ROR1: variants seen among roughly 807,000 people sequenced by gnomAD.
ROR1 encodes the protein ROR family WNT receptor 1, also known as inactive tyrosine-protein kinase transmembrane receptor ROR1.
A neutral mutation model predicts 78.8 loss-of-function variants in ROR1; 19 were observed. The ratio of observed to expected loss-of-function variants is 0.24; its 90% confidence interval spans 0.17 to 0.35. ROR1 has a LOEUF of 0.35. Ranked by LOEUF, ROR1 falls within the 10% of genes least tolerant of loss-of-function variation. The pLI is 1.00. For missense variants in ROR1, 917 were observed against 1,177.8 expected, an observed-to-expected ratio of 0.78 and a Z score of 3.24; for synonymous variants, 386 against 433.6, an observed-to-expected ratio of 0.89 and a Z score of 1.36.
intron 1 of ROR1, among the ~76,000 whole-genome samples, chr1:63,780,289 C>T (rs576888054): frequency 4.0e-5 from 6 of 151,570 alleles, no homozygotes; most frequent in Admixed American, 2.0e-4. Context: ...AAAGAGGTGG[C>T]GTGGAGTAAT....
intron 1 of ROR1, among the ~76,000 whole-genome samples, chr1:63,842,106 A>C (rs1247118133): frequency 6.6e-6 from 1 of 152,196 alleles, no homozygotes; most frequent in Non-Finnish European, 1.5e-5. Context: ...ACAAACAAAC[A>C]AACAAAAAAA....
At chr1:63,977,784 C>G (rs1204518271) in intron 1 of ROR1, among the ~76,000 whole-genome samples, 1 of 152,180 alleles carries the variant, frequency 6.6e-6, no homozygotes, top group Admixed American at 6.5e-5. Flanking sequence ...GCCAGAGAGA[C>G]ACAATTTGAC....
chr1:63,827,108 C>A (rs1201848882), intron 1 of ROR1, among the ~76,000 whole-genome samples: 2 of 152,080 alleles, frequency 1.3e-5, no homozygotes, highest in African/African-American at 4.8e-5. Flanking sequence ...AGTGTCTGTT[C>A]ATGGCCTTTG....
At chr1:63,837,128 C>T (rs1645022723) in intron 1 of ROR1, among the ~76,000 whole-genome samples, 1 of 152,200 alleles carries the variant, frequency 6.6e-6, no homozygotes, top group African/African-American at 2.4e-5. Flanking sequence ...TTTGAAAATT[C>T]TGCTTACCCT....
chr1:63,862,650 C>G (rs1279899732), intron 1 of ROR1, among the ~76,000 whole-genome samples: 1 of 152,062 alleles, frequency 6.6e-6, no homozygotes, highest in Non-Finnish European at 1.5e-5. Context: ...AAGCCACATA[C>G]TGCCTCTTCT....
At chr1:63,832,552 T>G (rs1423058685) in intron 1 of ROR1, among the ~76,000 whole-genome samples, 1 of 152,174 alleles carries the variant, frequency 6.6e-6, no homozygotes, top group Non-Finnish European at 1.5e-5. Flanking sequence ...TGATGTGGCT[T>G]TGGGAATCAC....
intron 1 of ROR1, among the ~76,000 whole-genome samples, chr1:63,831,840 C>G (rs770068246): frequency 6.6e-6 from 1 of 152,216 alleles, no homozygotes. Context: ...ACTCTGCTTC[C>G]CTTTTAAACA....
intron 1 of ROR1, among the ~76,000 whole-genome samples, chr1:63,819,702 T>TA (rs1644912948): frequency 6.6e-6 from 1 of 152,308 alleles, no homozygotes; most frequent in South Asian, 2.1e-4. Context: ...GCCTGGAACT[T>TA]AAAGTTTCCT....
chr1:63,886,843 G>A (rs949842202), intron 1 of ROR1, among the ~76,000 whole-genome samples: 2 of 152,150 alleles, frequency 1.3e-5, no homozygotes, highest in East Asian at 1.9e-4. Context: ...ACCCTGAGCC[G>A]GGCTGTGGAC....
intron 1 of ROR1, among the ~76,000 whole-genome samples, chr1:63,962,601 A>G (rs1646038302): frequency 6.6e-6 from 1 of 152,208 alleles, no homozygotes; most frequent in South Asian, 2.1e-4. Flanking sequence ...TGCATCTCAA[A>G]TAATGATCAG....
intron 4 of ROR1, among the ~76,000 whole-genome samples, chr1:64,130,787 T>A (rs1460760073): frequency 6.6e-6 from 1 of 152,210 alleles, no homozygotes; most frequent in Non-Finnish European, 1.5e-5. Flanking sequence ...TTTACTTGGA[T>A]CCTTAATTTT....
chr1:63,821,015 G>A (rs1172902935), intron 1 of ROR1, among the ~76,000 whole-genome samples: 1 of 152,116 alleles, frequency 6.6e-6, no homozygotes, highest in East Asian at 1.9e-4. Context: ...TGCTCTATAA[G>A]GAGCCTCTGG....
chr1:64,069,431 A>G (rs1360227301), intron 4 of ROR1, among the ~76,000 whole-genome samples: 2 of 152,140 alleles, frequency 1.3e-5, no homozygotes, highest in African/African-American at 4.8e-5. Context: ...GTTTAGGGCT[A>G]AAAATAGAAA....
chr1:64,126,633 T>A (rs900759190), intron 4 of ROR1, among the ~76,000 whole-genome samples: 3 of 152,204 alleles, frequency 2.0e-5, no homozygotes, highest in Admixed American at 6.5e-5. Context: ...TCCAAGGTTG[T>A]ATGGAAATAA....
intron 2 of ROR1, among the ~76,000 whole-genome samples, chr1:64,017,851 A>C (rs867641310): frequency 2.0e-5 from 3 of 152,196 alleles, no homozygotes; most frequent in African/African-American, 4.8e-5. Flanking sequence ...TAGAATGAGG[A>C]GAGAGCTTAT....
At chr1:63,970,797 A>G (rs1397090400) in intron 1 of ROR1, among the ~76,000 whole-genome samples, 1 of 152,250 alleles carries the variant, frequency 6.6e-6, no homozygotes, top group Admixed American at 6.5e-5. Context: ...CATTGTACAG[A>G]TGAGAAAGCT....
intron 2 of ROR1, among the ~76,000 whole-genome samples, chr1:64,047,294 T>C (rs1256459094): frequency 1.3e-5 from 2 of 152,250 alleles, no homozygotes; most frequent in African/African-American, 4.8e-5. Context: ...TAATTAACAT[T>C]TTTGAGTGCT....
chr1:64,135,323 T>C (rs1649066327), intron 4 of ROR1, among the ~76,000 whole-genome samples: 1 of 152,122 alleles, frequency 6.6e-6, no homozygotes, highest in African/African-American at 2.4e-5. Context: ...ACACATAAAA[T>C]ATGGGAACTC....
At chr1:63,963,953 T>A (rs749185451) in intron 1 of ROR1, among the ~76,000 whole-genome samples, 11 of 152,188 alleles carry the variant, frequency 7.2e-5, no homozygotes, top group Non-Finnish European at 1.6e-4. Flanking sequence ...TGTATCAGTC[T>A]TATATTTTTT....
Sources: allele counts gnomAD v4.1 joint callset (sites outside exome capture counted in the v4.1 genomes callset), GRCh38; gene constraint gnomAD v4.1.1; transcripts MANE v1.5; gene names NCBI Gene and HGNC (gene_info 2026-07-23, HGNC 2026-07-21).